The following SMC3 variants were observed in gnomAD, a reference collection of about 807,000 sequenced individuals.
The protein encoded by SMC3 is structural maintenance of chromosomes 3.
A neutral mutation model predicts 171.8 loss-of-function variants in SMC3; 20 were observed. That is an observed-to-expected ratio of 0.12 (90% CI 0.08 to 0.17). The LOEUF (loss-of-function observed/expected upper bound fraction) is 0.17, where lower values mean the gene tolerates loss of function less well. SMC3 is among the 10% of genes least tolerant of loss of function. The pLI is 1.00. For synonymous variants in SMC3, 464 were observed against 451.1 expected (o/e 1.03, Z -0.36); for missense variants, 543 against 1,420.4 (o/e 0.38, Z 9.93).
At chr10:110,581,619 T>C (rs1861031153) in intron 8 of SMC3, among the ~76,000 whole-genome samples, 1 of 152,206 alleles carries the variant, frequency 6.6e-6, no homozygotes, top group South Asian at 2.1e-4. Flanking sequence ...GTGCTTTTCA[T>C]AATAAAGGAT....
rs966003866 is a variant in SMC3, at chr10:110,599,649, T to A, written c.2269-5T>A. On this transcript the variant is annotated splice_polypyrimidine_tract_variant and splice_region_variant and intron_variant, in intron 20 of 28. Coordinates refer to ENST00000361804, the MANE Select transcript of SMC3 (RefSeq NM_005445.4). The stretch of plus-strand genomic sequence containing the variant: ...CCTTACTAATAAATGGATAATGTCA[T>A]ATAGCAACGTAGCTTACAGAGTTTG... The A allele has an allele frequency of 1.2e-6, 2 of 1,613,090 alleles. No individual in the cohort carries two copies. Among genetic ancestry groups the A allele is most frequent in the Non-Finnish European group, 8.5e-7 (1 of 1,179,196 alleles).
At position 110,583,515 on chromosome 10, in the gene SMC3, A is replaced by G; in HGVS notation, c.936A>G (p.Leu312=). The change falls in exon 11 of 29, where the codon TTA becomes TTG. Residue 312 remains leucine (L), a synonymous_variant. Transcript: ENST00000361804. ...RTKLELKAKD[L]QDELAGNSEQ... is the part of the protein sequence containing the mutation. ...AGTTGGAGCTTAAAGCCAAGGATTT[A>G]CAAGATGAACTAGCAGGCAATAGTG... 2.5e-6 allele frequency: 4 copies of G among 1,614,194 alleles called. No homozygotes were observed. The highest frequency in any genetic ancestry group is 3.4e-6 in the Non-Finnish European group (4 of 1,180,018).
Position 110,582,572 on chromosome 10 carries a change from A to G in SMC3, c.734A>G (p.Lys245Arg), listed in dbSNP as rs1861048829. 6.2e-7 allele frequency: 1 copy of G among 1,612,794 alleles called. No individual in the cohort carries two copies. The highest frequency in any genetic ancestry group is 1.1e-5 in the South Asian group (1 of 91,064). ...TRAKLDELSA[K>R]RETSGEKSRQ... The stretch of plus-strand genomic sequence containing the variant: ...TGTTTTTTTTCTTAGCTTTCTGCTA[A>G]GCGAGAGACTAGTGGAGAAAAATCC... Residue 245 changes from lysine to arginine, a missense_variant, in exon 10 of 29, where the codon AAG becomes AGG. Physicochemically the swap from Lys to Arg is conservative, Grantham distance 26. Coordinates refer to ENST00000361804, the MANE Select transcript of SMC3 (RefSeq NM_005445.4).
In SMC3 at chr10:110,605,447, C is replaced by T. The variant is rs75761003; in HGVS notation, c.*1145C>T. 1.3e-4 allele frequency among the ~76,000 whole-genome samples: 20 copies of T among 152,230 alleles called. No homozygotes were observed. The highest frequency in any genetic ancestry group is 4.8e-4 in the African/African-American group (20 of 41,540). Reference sequence around the variant, plus strand: ...TTTCTTTTTCTTGATTTCCCCTGGCCTGAGTTTATACTGGTTATCTGCAGG... The same window carrying T: ...TTTCTTTTTCTTGATTTCCCCTGGCTTGAGTTTATACTGGTTATCTGCAGG... On this transcript the variant is annotated 3_prime_UTR_variant, in exon 29 of 29. Transcript: ENST00000361804.
rs1265183192 is a variant in SMC3, at chr10:110,601,872, G to A, written c.2880G>A (p.Leu960=). ...AAGCATTTGAAAAGTACCAGACACT[G>A]AGCCTCAAACAGGTTGGTTTTAAAT... is the stretch of plus-strand genomic sequence containing the variant. ...PQEAFEKYQT[L]SLKQLFRKLE... is the part of the protein sequence containing the mutation. The change falls in exon 24 of 29, where the codon CTG becomes CTA. Residue 960 remains leucine, a synonymous_variant. Transcript: ENST00000361804. The A allele has an allele frequency of 6.2e-7, 1 of 1,613,852 alleles. No homozygotes were observed. The highest frequency in any genetic ancestry group is 8.5e-7 in the Non-Finnish European group (1 of 1,179,940).
At chr10:110,580,406 G>A (rs1254421295) in intron 7 of SMC3, among the ~76,000 whole-genome samples, 1 of 152,192 alleles carries the variant, frequency 6.6e-6, no homozygotes, top group Admixed American at 6.5e-5. Context: ...CTAAGAAAAA[G>A]ATGGTGGTGT....
chr10:110,589,725 A>G lies in SMC3; in HGVS notation c.1409+17A>G, dbSNP rs1310158959. 2 of 1,485,360 alleles carry G rather than the reference A, an allele frequency of 1.3e-6. No individual in the cohort carries two copies. Among genetic ancestry groups the G allele is most frequent in the Non-Finnish European group, 1.9e-6 (2 of 1,065,144 alleles). 92.0% of individuals were successfully genotyped at this position (1,485,360 alleles called of 1,614,324 possible). ...TGAAAGAAAGTTAGTATAGACTAAA[A>G]TGTGCATTAATGTTTTCAGTAATGT... On this transcript the variant is annotated intron_variant, in intron 14 of 28. Transcript: ENST00000361804.
chr10:110,579,029 A>G (rs1860994933), intron 7 of SMC3, among the ~76,000 whole-genome samples: 2 of 152,234 alleles, frequency 1.3e-5, no homozygotes, highest in South Asian at 4.1e-4. Flanking sequence ...TCTAAAATTA[A>G]TATTTTGTGT....
At position 110,605,876 on chromosome 10, in the gene SMC3, A is replaced by G. The variant is rs1861461667; in HGVS notation, c.*1574A>G. ...GTTGCTCTGATATGACCAACCCCTT[A>G]TAATACAGAATTTGGTGTAAGGTAA... On this transcript the variant is annotated 3_prime_UTR_variant, in exon 29 of 29. Transcript: ENST00000361804. 6.6e-6 allele frequency among the ~76,000 whole-genome samples: 1 copy of G among 152,218 alleles called. No individual in the cohort carries two copies. The highest frequency in any genetic ancestry group is 1.5e-5 in the Non-Finnish European group (1 of 68,036).
intron 10 of SMC3, among the ~76,000 whole-genome samples, 184 bp downstream of exon 10, chr10:110,582,826 C>G (rs970785589): frequency 6.6e-6 from 1 of 151,970 alleles, no homozygotes; most frequent in African/African-American, 2.4e-5. Flanking sequence ...TACCACCACA[C>G]CTGTCTAGTT....
intron 4 of SMC3, among the ~76,000 whole-genome samples, chr10:110,576,215 CAG>C (rs1860946708): frequency 6.6e-6 from 1 of 152,132 alleles, no homozygotes; most frequent in Non-Finnish European, 1.5e-5. Flanking sequence ...AAGTAAAAAA[CAG>C]TGATTTTATG....
chr10:110,594,787 C>G (rs1861270869), intron 18 of SMC3, among the ~76,000 whole-genome samples: 1 of 136,998 alleles, frequency 7.3e-6, no homozygotes. Context: ...AGTAAAACAT[C>G]ATGTCATGTC....
Position 110,577,456 on chromosome 10 carries a change from G to A in SMC3, c.234G>A (p.Val78=), listed in dbSNP as rs1860969312. 1 of 1,612,798 alleles carries A rather than the reference G, an allele frequency of 6.2e-7. No individual in the cohort carries two copies. Among genetic ancestry groups the A allele is most frequent in the Non-Finnish European group, 8.5e-7 (1 of 1,179,220 alleles). Residue 78 remains valine (V), a synonymous_variant, in exon 5 of 29, where the codon GTG becomes GTA. Coordinates refer to ENST00000361804, the MANE Select transcript of SMC3 (RefSeq NM_005445.4). The part of the protein sequence containing the change: ...GTGPRVISAF[V]EIIFDNSDNR... ...GTCCTCGTGTTATTTCTGCTTTTGTGGAGATTATTTTTGATAATTCAGACA... is the reference window on the plus strand; with the variant it reads ...GTCCTCGTGTTATTTCTGCTTTTGTAGAGATTATTTTTGATAATTCAGACA...
rs1861402611 is a variant in SMC3 at position 110,602,529 on chromosome 10, C to G, written c.3161C>G (p.Thr1054Ser). The G allele has an allele frequency of 6.2e-7, 1 of 1,613,454 alleles. No individual in the cohort carries two copies. Among genetic ancestry groups the G allele is most frequent in the Admixed American group, 1.7e-5 (1 of 59,978 alleles). The change falls in exon 26 of 29, where the codon ACT becomes AGT. Residue 1054 changes from threonine to serine, a missense_variant. Physicochemically the swap from Thr to Ser is moderately conservative, Grantham distance 58 (BLOSUM62 1). Coordinates refer to ENST00000361804, the MANE Select transcript of SMC3 (RefSeq NM_005445.4). The part of the protein sequence containing the change: ...FQKLVPGGKA[T>S]LVMKKGDVEG... Reference sequence around the variant, plus strand: ...AAGTTAGTACCTGGTGGCAAAGCTACTTTGGTGATGAAGAAAGGAGATGTG... The same window carrying G: ...AAGTTAGTACCTGGTGGCAAAGCTAGTTTGGTGATGAAGAAAGGAGATGTG...
intron 2 of SMC3, 40 bp from the exon 3 acceptor site, chr10:110,573,666 GT>G: frequency 1.4e-6 from 2 of 1,390,544 alleles, no homozygotes; most frequent in Non-Finnish European, 1.0e-6. Flanking sequence ...AATTTTATTG[GT>G]TTTTATGTAA....
rs1861436609 is a variant in SMC3 at position 110,604,405 on chromosome 10, G to C, written c.*103G>C. On this transcript the variant is annotated 3_prime_UTR_variant, in exon 29 of 29. Coordinates refer to ENST00000361804, the MANE Select transcript of SMC3 (RefSeq NM_005445.4). ...CTAAATATTTGGCCAATAGTTTTCA[G>C]ACTTAAAGCATCATAGTCCTTTTAT... is the stretch of plus-strand genomic sequence containing the variant. 7.5e-6 allele frequency: 6 copies of C among 798,698 alleles called. No individual in the cohort carries two copies. The highest frequency in any genetic ancestry group is 1.3e-5 in the Non-Finnish European group (6 of 457,756). The allele number at this position is 798,698 out of a possible 1,614,324, so 49.5% of individuals were successfully genotyped here. A position where few individuals can be genotyped will look rare whatever the true frequency, so the allele number is the denominator to read the frequency against.
At chr10:110,579,310 A>C (rs1860997895) in intron 7 of SMC3, among the ~76,000 whole-genome samples, 1 of 152,222 alleles carries the variant, frequency 6.6e-6, no homozygotes, top group Non-Finnish European at 1.5e-5. Flanking sequence ...ATTTAGAAGA[A>C]GTGATTAGGA....
intron 12 of SMC3, 99 bp from the exon 13 acceptor site, chr10:110,584,084 A>G (rs1590556853): frequency 6.5e-7 from 1 of 1,527,960 alleles, no homozygotes; most frequent in East Asian, 2.3e-5. Flanking sequence ...ATCTTTTTGA[A>G]AAATGGCTTT....
At chr10:110,571,573 T>TC (rs1286381309) in intron 2 of SMC3, among the ~76,000 whole-genome samples, 1 of 152,182 alleles carries the variant, frequency 6.6e-6, no homozygotes, top group East Asian at 1.9e-4. Context: ...AGTTATAGCC[T>TC]CCTTTCCATG....
Sources: allele counts gnomAD v4.1 joint callset (sites outside exome capture counted in the v4.1 genomes callset), GRCh38; gene constraint gnomAD v4.1.1; transcripts MANE v1.5; gene names NCBI Gene and HGNC (gene_info 2026-07-23, HGNC 2026-07-21).